The following KIF13A variants were observed in gnomAD, a reference collection of about 807,000 sequenced individuals.
KIF13A encodes kinesin-like protein KIF13A.
In KIF13A, 79 loss-of-function variants were observed where a neutral mutation model predicts 212.2. The observed-to-expected ratio is 0.37, with a 90% confidence interval of 0.31 to 0.45. The LOEUF is 0.45. KIF13A is among the 20% of genes least tolerant of loss of function. The pLI is 1.00. For synonymous variants in KIF13A, 789 were observed against 808.6 expected, an observed-to-expected ratio of 0.98 and a Z score of 0.41; for missense variants, 1,901 against 2,209.0, an observed-to-expected ratio of 0.86 and a Z score of 2.79.
chr6:17,943,400 A>ATTTTTTTTTT (rs11311833), intron 2 of KIF13A, among the ~76,000 whole-genome samples: 6 of 132,290 alleles, frequency 4.5e-5, no homozygotes, highest in Admixed American at 7.6e-5. Context: ...TAAAACACAG[A>ATTTTTTTTTT]TTTTTTTTTT....
chr6:17,876,614 T>C (rs1024490481), intron 3 of KIF13A, among the ~76,000 whole-genome samples: 7 of 134,864 alleles, frequency 5.2e-5, no homozygotes, highest in Non-Finnish European at 9.5e-5. Context: ...GATCTGTGTG[T>C]GTGAGACAGC....
intron 3 of KIF13A, among the ~76,000 whole-genome samples, chr6:17,874,018 T>C (rs1426042256): frequency 6.6e-6 from 1 of 152,154 alleles, no homozygotes; most frequent in East Asian, 1.9e-4. Flanking sequence ...TTTTCCACAA[T>C]ACATCTGATG....
intron 2 of KIF13A, among the ~76,000 whole-genome samples, chr6:17,958,316 T>C (rs898101544): frequency 6.6e-6 from 1 of 152,210 alleles, no homozygotes; most frequent in Admixed American, 6.5e-5. Context: ...TAAAAAATAT[T>C]CTCTGGCTGT....
In KIF13A at chr6:17,781,221, T is replaced by C; in HGVS notation, c.3625A>G (p.Ser1209Gly). ...VNSILPKEHG[S>G]QFFYLPIIKH... ...ATGATGGGCAGGTAGAAAAACTGGC[T>C]GCCATGCTCCTTGGGCAGGATGGAG... The change falls in exon 30 of 39, where the codon AGC (serine) becomes GGC (glycine). Residue 1209 changes from serine (S) to glycine (G), a missense_variant. Transcript: ENST00000259711. The C allele has an allele frequency of 6.2e-7, 1 of 1,613,880 alleles. No homozygotes were observed. Among genetic ancestry groups the C allele is most frequent in the Admixed American group, 1.7e-5 (1 of 60,000 alleles).
intron 2 of KIF13A, among the ~76,000 whole-genome samples, chr6:17,956,636 T>C (rs1353008156): frequency 6.6e-6 from 1 of 152,192 alleles, no homozygotes; most frequent in Non-Finnish European, 1.5e-5. Context: ...TACAGTCCTT[T>C]GCTATAATGT....
chr6:17,854,463 A>C (rs1377219104), intron 6 of KIF13A, among the ~76,000 whole-genome samples: 1 of 150,648 alleles, frequency 6.6e-6, no homozygotes. Flanking sequence ...GAATGGTGAG[A>C]TTATAGGTCA....
chr6:17,865,941 T>C (rs1183227286), intron 4 of KIF13A, among the ~76,000 whole-genome samples: 1 of 152,164 alleles, frequency 6.6e-6, no homozygotes, highest in African/African-American at 2.4e-5. Flanking sequence ...GCCATGAGCA[T>C]GGTCTTTTTT....
intron 29 of KIF13A, among the ~76,000 whole-genome samples, chr6:17,782,428 G>C (rs530008565): frequency 6.6e-6 from 1 of 151,958 alleles, no homozygotes; most frequent in South Asian, 2.1e-4. Context: ...ACGAGGTCAG[G>C]AGTGCAAGAC....
chr6:17,900,669 T>C lies in KIF13A; in HGVS notation c.147-2489A>G, dbSNP rs950439554. Among the ~76,000 whole-genome samples, 4 of 152,244 alleles carry C rather than the reference T, an allele frequency of 2.6e-5. No individual in the cohort carries two copies. The highest frequency in any genetic ancestry group is 5.9e-5 in the Non-Finnish European group (4 of 68,044). On this transcript the variant is annotated intron_variant, in intron 2 of 38. Coordinates refer to ENST00000259711, the MANE Select transcript of KIF13A (RefSeq NM_022113.6). This position sits in a 1 kb window ranked among gnomAD's most constrained non-coding sequence, Gnocchi z 4.6. Reference sequence around the variant, plus strand: ...ATCATCACTGTACTTCATTCATTGATACATCCTCTACTTCATTCACTGATA... The same window carrying C: ...ATCATCACTGTACTTCATTCATTGACACATCCTCTACTTCATTCACTGATA...
In KIF13A at chr6:17,895,782, C is replaced by A. The variant is rs1772504164; in HGVS notation, c.159+2386G>T. Among the ~76,000 whole-genome samples the A allele has an allele frequency of 1.3e-5, 2 of 152,194 alleles. No individual in the cohort carries two copies. Among genetic ancestry groups the A allele is most frequent in the African/African-American group, 4.8e-5 (2 of 41,450 alleles). On this transcript the variant is annotated intron_variant, in intron 3 of 38. Transcript: ENST00000259711. The surrounding 1 kb of genome is among the most constrained non-coding windows in gnomAD (Gnocchi z 4.4). ...CTTTCTGGATCTTGGTCTAGTAATT[C>A]CTCACTAACTTGGCTTATCTCCAGT...
intron 2 of KIF13A, among the ~76,000 whole-genome samples, chr6:17,952,634 CTG>C (rs572895715): frequency 4.5e-4 from 67 of 147,532 alleles, no homozygotes; most frequent in African/African-American, 1.6e-3. Context: ...GGGAGAGACT[CTG>C]TAAGAAAAGA....
At position 17,901,136 on chromosome 6, in the gene KIF13A, G is replaced by A. The variant is rs565397794; in HGVS notation, c.147-2956C>T. 2.8e-5 allele frequency among the ~76,000 whole-genome samples: 4 copies of A among 144,624 alleles called. No individual in the cohort carries two copies. In the South Asian group the frequency reaches 9.2e-4, roughly 33 times the overall value. The allele number at this position is 144,624 out of a possible 152,430, so 94.9% of individuals were successfully genotyped here. On this transcript the variant is annotated intron_variant, in intron 2 of 38. Coordinates refer to ENST00000259711, the MANE Select transcript of KIF13A (RefSeq NM_022113.6). ...ATCACATGCATAATTCTACACTTTT[G>A]AGTGCAGGGAAGAAAATTATCCTGC...
intron 25 of KIF13A, among the ~76,000 whole-genome samples, chr6:17,790,336 T>G (rs1761428996): frequency 6.6e-6 from 1 of 152,158 alleles, no homozygotes; most frequent in African/African-American, 2.4e-5. Context: ...GCGGAGGAGA[T>G]GGAGGCTGCA....
Position 17,796,741 on chromosome 6 carries a change from C to T in KIF13A, c.2870G>A (p.Arg957Gln), listed in dbSNP as rs377225601. 29 of 1,593,176 alleles carry T rather than the reference C, an allele frequency of 1.8e-5. No homozygotes were observed. Among genetic ancestry groups the T allele is most frequent in the African/African-American group, 2.7e-5 (2 of 73,684 alleles). ...GALAIEVWGH[R>Q]CAGNGSSIWE... The stretch of plus-strand genomic sequence containing the variant: ...GATGGAGCTGCCATTTCCAGCACAC[C>T]GGTGGCCCCATACTTCAATGGCCAG... Residue 957 changes from arginine to glutamine, a missense_variant, in exon 23 of 39, where the codon CGG (arginine) becomes CAG (glutamine). Arg to Gln is a conservative substitution (Grantham distance 43, BLOSUM62 1). This residue lies in a region of KIF13A where 534 missense variants were observed against 536.9 expected (regional missense o/e 0.99). Transcript: ENST00000259711.
At chr6:17,793,591 T>C (rs1761786358) in intron 25 of KIF13A, among the ~76,000 whole-genome samples, 1 of 152,124 alleles carries the variant, frequency 6.6e-6, no homozygotes, top group African/African-American at 2.4e-5. Context: ...TGGTTTATTA[T>C]GACAGTGTAT....
At position 17,883,369 on chromosome 6, in the gene KIF13A, A is replaced by T. The variant is rs1037586409; in HGVS notation, c.160-9932T>A. Among the ~76,000 whole-genome samples, 2 of 152,032 alleles carry T rather than the reference A, an allele frequency of 1.3e-5. No homozygotes were observed. Among genetic ancestry groups the T allele is most frequent in the African/African-American group, 2.4e-5 (1 of 41,382 alleles). ...CTAAAAAATAAAATAAAAATAATAA[A>T]AAAAAATAAGGCAACTTCCTGGTGA... On this transcript the variant is annotated intron_variant, in intron 3 of 38. Coordinates refer to ENST00000259711, the MANE Select transcript of KIF13A (RefSeq NM_022113.6). This position sits in a 1 kb window ranked among gnomAD's most constrained non-coding sequence, Gnocchi z 4.8.
intron 17 of KIF13A, among the ~76,000 whole-genome samples, chr6:17,814,594 T>A (rs1055071862): frequency 5.3e-5 from 8 of 152,094 alleles, no homozygotes; most frequent in African/African-American, 1.9e-4. Context: ...ACAGGTGTTA[T>A]TAGGAGACTG....
intron 12 of KIF13A, among the ~76,000 whole-genome samples, chr6:17,832,283 A>ACTT (rs1765517609): frequency 6.6e-6 from 1 of 152,204 alleles, no homozygotes; most frequent in Non-Finnish European, 1.5e-5. Flanking sequence ...AACTTAAGTA[A>ACTT]AAGTTAAAAT....
intron 4 of KIF13A, among the ~76,000 whole-genome samples, chr6:17,859,202 T>C (rs1339183332): frequency 5.3e-5 from 8 of 152,122 alleles, no homozygotes; most frequent in Admixed American, 4.6e-4. Context: ...TGCTATATAG[T>C]TGTATGAAGT....
Sources: allele counts gnomAD v4.1 joint callset (sites outside exome capture counted in the v4.1 genomes callset), GRCh38; gene constraint gnomAD v4.1.1; regional missense constraint gnomAD v4.1.1; non-coding constraint Gnocchi (gnomAD v3.1); transcripts MANE v1.5; gene names NCBI Gene and HGNC (gene_info 2026-07-23, HGNC 2026-07-21).